NALF1: variants seen among roughly 807,000 people sequenced by gnomAD.
The protein encoded by NALF1 is NALCN channel auxiliary factor 1.
In NALF1, 3 loss-of-function variants were observed where a neutral mutation model predicts 48.4. The observed-to-expected ratio is 0.06, with a 90% CI of 0.03 to 0.16. NALF1 has a LOEUF of 0.16. NALF1 is among the 10% of genes least tolerant of loss of function. NALF1 has a pLI of 1.00. For synonymous variants in NALF1, 262 were observed against 245.7 expected (o/e 1.07, Z -0.62); for missense variants, 526 against 571.5 (o/e 0.92, Z 0.81).
At chr13:107,287,129 T>A (rs1221485924) in intron 1 of NALF1, among the ~76,000 whole-genome samples, 1 of 152,182 alleles carries the variant, frequency 6.6e-6, no homozygotes, top group Non-Finnish European at 1.5e-5. Context: ...GTGCAATAAT[T>A]TCCTTGCTGC....
At position 107,526,991 on chromosome 13, in the gene NALF1, T is replaced by C. The variant is rs111923571; in HGVS notation, c.916-316236A>G. On this transcript the variant is annotated intron_variant, in intron 1 of 2. Transcript: ENST00000375915. ...GATCTTAGGCTGAAGAACCATGAAG[T>C]CTCTTGAATAAGGGCACTAAGAAAT... Among the ~76,000 whole-genome samples the C allele has an allele frequency of 7.2e-3, 1,101 of 152,218 alleles. 12 individuals carry two copies. Among genetic ancestry groups the C allele is most frequent in the Non-Finnish European group, 0.012 (837 of 68,004 alleles).
chr13:107,235,916 C>T (rs1880332448), intron 1 of NALF1, among the ~76,000 whole-genome samples: 2 of 152,142 alleles, frequency 1.3e-5, no homozygotes, highest in South Asian at 4.1e-4. Context: ...ACTATCATCT[C>T]CCATGTTTTG....
At chr13:107,660,484 CAACAAAG>C (rs1880707642) in intron 1 of NALF1, among the ~76,000 whole-genome samples, 1 of 139,120 alleles carries the variant, frequency 7.2e-6, no homozygotes, top group African/African-American at 2.7e-5. Context: ...CACACACACA[CAACAAAG>C]AAACAAAAAA....
chr13:107,542,102 G>C (rs1877014931), intron 1 of NALF1, among the ~76,000 whole-genome samples: 1 of 151,942 alleles, frequency 6.6e-6, no homozygotes, highest in Non-Finnish European at 1.5e-5. Context: ...AGGATGAATG[G>C]AAAACCAAAA....
At chr13:107,338,803 T>C (rs1291673545) in intron 1 of NALF1, among the ~76,000 whole-genome samples, 1 of 152,114 alleles carries the variant, frequency 6.6e-6, no homozygotes. Flanking sequence ...CCCGCGTGTT[T>C]CCCGAAGATG....
At chr13:107,506,622 A>G (rs1875703600) in intron 1 of NALF1, among the ~76,000 whole-genome samples, 1 of 152,190 alleles carries the variant, frequency 6.6e-6, no homozygotes, top group South Asian at 2.1e-4. Context: ...CTTCATATGC[A>G]TAACATGACT....
intron 1 of NALF1, among the ~76,000 whole-genome samples, chr13:107,460,079 G>A (rs567047354): frequency 5.3e-4 from 81 of 152,290 alleles, no homozygotes; most frequent in African/African-American, 1.9e-3. Context: ...CTGTGCATGT[G>A]AACTGAAGTC....
chr13:107,463,438 G>C (rs530578126), intron 1 of NALF1, among the ~76,000 whole-genome samples: 2 of 152,172 alleles, frequency 1.3e-5, no homozygotes, highest in Admixed American at 1.3e-4. Context: ...AGGAAGGAAA[G>C]GATGTTGCTG....
chr13:107,375,146 C>A (rs1883315313), intron 1 of NALF1, among the ~76,000 whole-genome samples: 1 of 152,132 alleles, frequency 6.6e-6, no homozygotes, highest in African/African-American at 2.4e-5. Context: ...ATTTTAGCAA[C>A]TATTATCCAA....
intron 1 of NALF1, among the ~76,000 whole-genome samples, chr13:107,380,654 T>C (rs1211797571): frequency 1.3e-5 from 2 of 152,070 alleles, no homozygotes; most frequent in Admixed American, 6.6e-5. Context: ...AGATAAAAGA[T>C]TTTGTTAAAA....
intron 1 of NALF1, among the ~76,000 whole-genome samples, chr13:107,409,949 T>A (rs1231893466): frequency 6.6e-6 from 1 of 152,182 alleles, no homozygotes; most frequent in East Asian, 1.9e-4. Context: ...AGCAAAGCAT[T>A]TTTTCCTATC....
intron 1 of NALF1, among the ~76,000 whole-genome samples, chr13:107,364,889 C>T (rs1883124514): frequency 6.6e-6 from 1 of 151,168 alleles, no homozygotes; most frequent in Non-Finnish European, 1.5e-5. Flanking sequence ...TCTTTTTCTT[C>T]CTTCTTTCTT....
At chr13:107,317,646 G>C (rs1471950056) in intron 1 of NALF1, among the ~76,000 whole-genome samples, 1 of 151,898 alleles carries the variant, frequency 6.6e-6, no homozygotes, top group East Asian at 1.9e-4. Context: ...TATATTAAGA[G>C]CATATACTAG....
intron 1 of NALF1, among the ~76,000 whole-genome samples, chr13:107,372,910 A>G (rs560528403): frequency 6.6e-6 from 1 of 152,298 alleles, no homozygotes; most frequent in African/African-American, 2.4e-5. Context: ...AATACCAATT[A>G]CTGGGATAGC....
intron 1 of NALF1, among the ~76,000 whole-genome samples, chr13:107,484,176 T>C (rs1260753175): frequency 6.6e-6 from 1 of 152,134 alleles, no homozygotes; most frequent in Admixed American, 6.6e-5. Flanking sequence ...AGGATGGTAA[T>C]TGAAATAAAT....
In NALF1 at chr13:107,629,046, C is replaced by T. The variant is rs192322464; in HGVS notation, c.915+236636G>A. Among the ~76,000 whole-genome samples, 660 of 152,212 alleles carry T rather than the reference C, an allele frequency of 4.3e-3. 5 individuals are homozygous for T. Among genetic ancestry groups the T allele is most frequent in the African/African-American group, 0.015 (624 of 41,556 alleles). On this transcript the variant is annotated intron_variant, in intron 1 of 2. Transcript: ENST00000375915. ...GTTGTATTTCCTACTTTCTTATCCACGTCTTGTACTCTTACAACCACACAG... is the reference window on the plus strand; with the variant it reads ...GTTGTATTTCCTACTTTCTTATCCATGTCTTGTACTCTTACAACCACACAG...
rs79535468 is a variant in NALF1 at position 107,238,190 on chromosome 13, A to G, written c.916-27435T>C. 2.2e-3 allele frequency among the ~76,000 whole-genome samples: 338 copies of G among 152,300 alleles called. 2 individuals are homozygous for G. In the Middle Eastern group the frequency reaches 0.027, roughly 12 times the overall value. On this transcript the variant is annotated intron_variant, in intron 1 of 2. Coordinates refer to ENST00000375915, the MANE Select transcript of NALF1 (RefSeq NM_001080396.3). ...GTTGCAGGGGTCAAATCCATATAAC[A>G]TAGAGCCAGCATGGTGCAGCACAAC...
chr13:107,676,630 A>G (rs1271395701), intron 1 of NALF1, among the ~76,000 whole-genome samples: 2 of 149,324 alleles, frequency 1.3e-5, no homozygotes, highest in Non-Finnish European at 2.9e-5. Context: ...ATTAAATTAA[A>G]TTGTGTGTAT....
intron 1 of NALF1, among the ~76,000 whole-genome samples, chr13:107,332,682 C>G (rs1164357876): frequency 6.6e-6 from 1 of 152,124 alleles, no homozygotes; most frequent in Non-Finnish European, 1.5e-5. Flanking sequence ...ATGCAGCTGC[C>G]TCTTTCTTAT....
Sources: gnomAD v4.1 joint callset for allele counts (sites outside exome capture counted in the v4.1 genomes callset) on GRCh38, gnomAD v4.1.1 for gene constraint, MANE v1.5 for transcripts, NCBI Gene and HGNC (gene_info 2026-07-23, HGNC 2026-07-21) for gene names.